Variants in KANSL1 observed in about 807,000 individuals in gnomAD.
KANSL1 encodes KAT8 regulatory NSL complex subunit 1.
In KANSL1, 22 loss-of-function variants were observed where a neutral mutation model predicts 103.6. That is an observed-to-expected ratio of 0.21 (90% CI 0.15 to 0.30). The LOEUF (loss-of-function observed/expected upper bound fraction) is 0.30. Among genes scored for constraint, KANSL1 ranks in the 10% least tolerant of loss-of-function variants. KANSL1 has a pLI of 1.00. For synonymous variants in KANSL1, 600 were observed against 527.6 expected (o/e 1.14, Z -1.88); for missense variants, 1,337 against 1,399.8 (o/e 0.96, Z 0.72).
chr17:46,129,813 T>C (rs983597915), intron 2 of KANSL1, among the ~76,000 whole-genome samples: 5 of 152,092 alleles, frequency 3.3e-5, no homozygotes, highest in African/African-American at 1.2e-4. Flanking sequence ...GGTGGACCTG[T>C]TTTCTACTAA....
chr17:46,124,336 T>C (rs1345851904), intron 2 of KANSL1, among the ~76,000 whole-genome samples: 1 of 152,268 alleles, frequency 6.6e-6, no homozygotes, highest in Non-Finnish European at 1.5e-5. Context: ...CAGCATGTTT[T>C]ACTGAATATT....
At chr17:46,212,064 A>C (rs887856304) in intron 1 of KANSL1, among the ~76,000 whole-genome samples, 3 of 152,212 alleles carry the variant, frequency 2.0e-5, no homozygotes, top group African/African-American at 7.2e-5. Context: ...ACTTCCTTCC[A>C]TTCTTTTACC....
upstream of KANSL1, chr17:46,195,926 AAAAC>A (rs564485814): frequency 4.9e-3 from 772 of 158,956 alleles, no homozygotes; most frequent in Non-Finnish European, 6.3e-3. Context: ...CATACAAAAT[AAAAC>A]AAACAAACAA....
intron 1 of KANSL1, among the ~76,000 whole-genome samples, chr17:46,191,610 G>A (rs1198579245): frequency 1.3e-5 from 2 of 152,208 alleles, no homozygotes; most frequent in Non-Finnish European, 2.9e-5. Flanking sequence ...GATTATGCAA[G>A]GCAAAGATTA....
At chr17:46,136,316 G>T (rs1248136258) in intron 2 of KANSL1, among the ~76,000 whole-genome samples, 3 of 152,160 alleles carry the variant, frequency 2.0e-5, no homozygotes, top group African/African-American at 7.2e-5. Flanking sequence ...CTTCTCTGAA[G>T]CCTGTCAGAG....
intron 2 of KANSL1, among the ~76,000 whole-genome samples, chr17:46,124,227 C>T (rs1300833021): frequency 6.6e-6 from 1 of 152,178 alleles, no homozygotes; most frequent in Non-Finnish European, 1.5e-5. Context: ...GGCAAGACCC[C>T]GTCTCTATAA....
chr17:46,138,472 A>G (rs1341037692), intron 2 of KANSL1, among the ~76,000 whole-genome samples: 1 of 152,274 alleles, frequency 6.6e-6, no homozygotes, highest in African/African-American at 2.4e-5. Flanking sequence ...CATAGGTTAT[A>G]CACAAATACT....
At position 46,172,286 on chromosome 17, in the gene KANSL1, G is replaced by A; in HGVS notation, c.-89-54C>T. On this transcript the variant is annotated intron_variant, in intron 1 of 14. Coordinates refer to ENST00000432791, the MANE Select transcript of KANSL1 (RefSeq NM_015443.4). ...GAAATACAAGCACTTTTAAAAACAT[G>A]TATATTTTTAACAAAAGCACTACTT... is the stretch of plus-strand genomic sequence containing the variant. 4 of 874,494 alleles carry A rather than the reference G, an allele frequency of 4.6e-6. No individual in the cohort carries two copies. The South Asian group carries it at 5.3e-5, about 12-fold the overall frequency. 54.2% of individuals were successfully genotyped at this position (874,494 alleles called of 1,614,324 possible).
intron 1 of KANSL1, among the ~76,000 whole-genome samples, chr17:46,173,968 T>C (rs1031100941): frequency 1.2e-4 from 19 of 152,250 alleles, no homozygotes; most frequent in Non-Finnish European, 2.2e-4. Flanking sequence ...GATTTTTACT[T>C]GGCAGAACTA....
chr17:46,081,013 A>C (rs1473412497), intron 4 of KANSL1, among the ~76,000 whole-genome samples: 1 of 152,178 alleles, frequency 6.6e-6, no homozygotes, highest in African/African-American at 2.4e-5. Flanking sequence ...TAAATGAATG[A>C]AGGGTAGGGA....
At chr17:46,103,650 A>AT (rs1189407375) in intron 2 of KANSL1, among the ~76,000 whole-genome samples, 10 of 152,170 alleles carry the variant, frequency 6.6e-5, no homozygotes, top group Non-Finnish European at 1.5e-4. Context: ...AGACAGCACT[A>AT]TCTGTCCTTT....
In KANSL1 at chr17:46,038,584, G is replaced by T. The variant is rs774750158; in HGVS notation, c.2495C>A (p.Ser832Tyr). 6.2e-7 allele frequency: 1 copy of T among 1,614,172 alleles called. No homozygotes were observed. The highest frequency in any genetic ancestry group is 8.5e-7 in the Non-Finnish European group (1 of 1,180,036). Residue 832 changes from serine to tyrosine, a missense_variant, in exon 10 of 15, where the codon TCC becomes TAC. Ser to Tyr is a moderately radical substitution (Grantham distance 144, BLOSUM62 -2). Transcript: ENST00000432791. The stretch of plus-strand genomic sequence containing the variant: ...TGAGCTAGAGCTGGCGGGTGCAGGG[G>T]AATCTGAGGAGGTGGAGAGCTGTCG... ...LVRQLSTSSDSPAPASSSSQV... is the reference protein window; with the variant it reads ...LVRQLSTSSDYPAPASSSSQV...
chr17:46,156,121 G>A (rs1047002938), intron 2 of KANSL1, among the ~76,000 whole-genome samples: 10 of 152,196 alleles, frequency 6.6e-5, no homozygotes, highest in African/African-American at 2.2e-4. Flanking sequence ...GCCAAGGTGG[G>A]CGGATCACCT....
intron 2 of KANSL1, among the ~76,000 whole-genome samples, chr17:46,163,048 A>T (rs2045826075): frequency 6.6e-6 from 1 of 152,220 alleles, no homozygotes; most frequent in Non-Finnish European, 1.5e-5. Flanking sequence ...TGCTGCCTAG[A>T]TATATCCAAT....
Position 46,034,213 on chromosome 17 carries a change from C to T in KANSL1, c.2614G>A (p.Ala872Thr). ...AGTTTCTCTACGCGAGTTGTTGCAG[C>T]AACAGACATTGGGATGACAATGTTG... is the stretch of plus-strand genomic sequence containing the variant. ...INNIVIPMSV[A>T]ATTRVEKLQY... The change falls in exon 11 of 15, where the codon GCT becomes ACT. Residue 872 changes from alanine to threonine, a missense_variant. Physicochemically the swap from Ala to Thr is moderately conservative, Grantham distance 58 (BLOSUM62 0). Coordinates refer to ENST00000432791, the MANE Select transcript of KANSL1 (RefSeq NM_015443.4). The T allele has an allele frequency of 6.2e-7, 1 of 1,614,148 alleles. No individual in the cohort carries two copies. The highest frequency in any genetic ancestry group is 8.5e-7 in the Non-Finnish European group (1 of 1,179,998).
At chr17:46,076,948 T>C (rs2078797256) in intron 4 of KANSL1, among the ~76,000 whole-genome samples, 1 of 152,222 alleles carries the variant, frequency 6.6e-6, no homozygotes, top group Non-Finnish European at 1.5e-5. Context: ...ATGGGGTTTC[T>C]AAGTATCATA....
intron 1 of KANSL1, among the ~76,000 whole-genome samples, chr17:46,185,600 A>C (rs1169373912): frequency 2.6e-5 from 4 of 151,246 alleles, no homozygotes; most frequent in Non-Finnish European, 4.4e-5. Context: ...CTGGAATACA[A>C]AAAAAAAACC....
chr17:46,154,346 C>G (rs1176712957), intron 2 of KANSL1, among the ~76,000 whole-genome samples: 1 of 152,262 alleles, frequency 6.6e-6, no homozygotes, highest in Non-Finnish European at 1.5e-5. Flanking sequence ...TTTCTACTTG[C>G]AATGCTCACT....
At chr17:46,081,543 C>A (rs1322024622) in intron 4 of KANSL1, among the ~76,000 whole-genome samples, 1 of 152,210 alleles carries the variant, frequency 6.6e-6, no homozygotes, top group Non-Finnish European at 1.5e-5. Context: ...CAGTGGCTGG[C>A]TTTCAAAATT....
Sources: allele counts gnomAD v4.1 joint callset (sites outside exome capture counted in the v4.1 genomes callset), GRCh38; gene constraint gnomAD v4.1.1; transcripts MANE v1.5; gene names NCBI Gene and HGNC (gene_info 2026-07-23, HGNC 2026-07-21).